WWOX: variants seen among roughly 807,000 people sequenced by gnomAD.
WWOX encodes the protein WW domain-containing oxidoreductase.
A neutral mutation model predicts 46.2 loss-of-function variants in WWOX; 69 were observed. That is an observed-to-expected ratio of 1.49 (90% CI 1.23 to 1.82). WWOX has a LOEUF of 1.82. WWOX is among the 40% of genes most tolerant of loss of function. WWOX has a pLI of 0.00. For missense variants in WWOX, 919 were observed against 542.6 expected, an observed-to-expected ratio of 1.69 and a Z score of -6.89; for synonymous variants, 359 against 202.6, an observed-to-expected ratio of 1.77 and a Z score of -6.56.
chr16:78,950,235 A>G (rs567182918), intron 8 of WWOX, among the ~76,000 whole-genome samples: 8 of 152,210 alleles, frequency 5.3e-5, no homozygotes, highest in African/African-American at 7.2e-5. Context: ...TTTCAGTTGA[A>G]TTACGGTCTT....
chr16:78,885,510 G>C (rs2044436560), intron 8 of WWOX, among the ~76,000 whole-genome samples: 1 of 152,138 alleles, frequency 6.6e-6, no homozygotes, highest in African/African-American at 2.4e-5. Context: ...GTTCTTCACA[G>C]TTTTCCCAGT....
intron 8 of WWOX, among the ~76,000 whole-genome samples, chr16:78,941,459 G>T (rs113550674): frequency 6.7e-6 from 1 of 148,998 alleles, no homozygotes; most frequent in African/African-American, 2.5e-5. Context: ...TCCGAACAAA[G>T]TCCTTTTTTT....
chr16:78,332,694 T>C (rs1326343413), intron 5 of WWOX, among the ~76,000 whole-genome samples: 2 of 152,150 alleles, frequency 1.3e-5, no homozygotes, highest in Non-Finnish European at 2.9e-5. Flanking sequence ...CCCAAATTAG[T>C]GCCTTTACTG....
At chr16:78,923,135 C>G (rs914815238) in intron 8 of WWOX, among the ~76,000 whole-genome samples, 1 of 151,990 alleles carries the variant, frequency 6.6e-6, no homozygotes, top group Non-Finnish European at 1.5e-5. Flanking sequence ...GGATGTGCCA[C>G]CATGCCAGGC....
chr16:79,209,009 G>A (rs1251583152), intron 8 of WWOX, among the ~76,000 whole-genome samples: 2 of 152,184 alleles, frequency 1.3e-5, no homozygotes, highest in Admixed American at 6.5e-5. Flanking sequence ...GAGTAGAGAA[G>A]GTCGTCTTTG....
rs146003380 is a variant in WWOX, at chr16:78,522,322, G to A, written c.1056+89570G>A. Among the ~76,000 whole-genome samples the A allele has an allele frequency of 5.3e-5, 8 of 151,856 alleles. No homozygotes were observed. The East Asian group carries it at 9.6e-4, about 18-fold the overall frequency. ...CCATTTTGCTTAATTGAAGGCTTGC[G>A]GAACATTAAAGCACAACAAAAACCT... On this transcript the variant is annotated intron_variant, in intron 8 of 8. Coordinates refer to ENST00000566780, the MANE Select transcript of WWOX (RefSeq NM_016373.4).
chr16:78,917,064 C>G (rs950003454), intron 8 of WWOX, among the ~76,000 whole-genome samples: 8 of 152,186 alleles, frequency 5.3e-5, no homozygotes, highest in African/African-American at 1.7e-4. Context: ...TAAACCACAT[C>G]TTTCCAGATT....
intron 8 of WWOX, among the ~76,000 whole-genome samples, chr16:78,640,956 A>G: frequency 6.6e-6 from 1 of 151,728 alleles, no homozygotes; most frequent in African/African-American, 2.4e-5. Flanking sequence ...AAAAAAAAGA[A>G]GAAGAAAAGA....
At chr16:78,945,422 A>G (rs1287540463) in intron 8 of WWOX, among the ~76,000 whole-genome samples, 3 of 152,210 alleles carry the variant, frequency 2.0e-5, no homozygotes, top group Non-Finnish European at 4.4e-5. Flanking sequence ...AAGTCTCTGT[A>G]TCAAAAAGAT....
chr16:78,639,169 T>G (rs2046644241), intron 8 of WWOX, among the ~76,000 whole-genome samples: 1 of 152,136 alleles, frequency 6.6e-6, no homozygotes, highest in South Asian at 2.1e-4. Context: ...GTCTGTTGAG[T>G]TTGGAAGACT....
chr16:78,566,853 C>A (rs1410690943), intron 8 of WWOX, among the ~76,000 whole-genome samples: 1 of 152,150 alleles, frequency 6.6e-6, no homozygotes, highest in East Asian at 1.9e-4. Context: ...GCATGGCTGT[C>A]ATCAGTTCAG....
intron 5 of WWOX, among the ~76,000 whole-genome samples, chr16:78,341,384 T>G (rs4075210): frequency 0.23 from 27,285 of 120,088 alleles, 8,775 homozygotes; most frequent in African/African-American, 0.38. Context: ...TGTTTTAGTG[T>G]GATTTGGGAT....
At chr16:78,856,893 C>G (rs1436193828) in intron 8 of WWOX, among the ~76,000 whole-genome samples, 1 of 152,130 alleles carries the variant, frequency 6.6e-6, no homozygotes, top group Non-Finnish European at 1.5e-5. Flanking sequence ...CTATACAATC[C>G]TAGATGGTAT....
chr16:78,391,497 A>G (rs79327837), intron 6 of WWOX, among the ~76,000 whole-genome samples: 1 of 152,180 alleles, frequency 6.6e-6, no homozygotes, highest in African/African-American at 2.4e-5. Flanking sequence ...TACTTTGCAC[A>G]CTTCAGTCAT....
At chr16:79,187,580 G>A (rs1255580069) in intron 8 of WWOX, among the ~76,000 whole-genome samples, 2 of 152,112 alleles carry the variant, frequency 1.3e-5, no homozygotes, top group Non-Finnish European at 2.9e-5. Context: ...ACGCCCAGCT[G>A]ATTTTTAGTG....
intron 8 of WWOX, among the ~76,000 whole-genome samples, chr16:78,441,338 C>A (rs558358277): frequency 1.3e-5 from 2 of 152,300 alleles, no homozygotes; most frequent in Admixed American, 1.3e-4. Flanking sequence ...TAAATGAATA[C>A]ATGAAAGATG....
intron 5 of WWOX, among the ~76,000 whole-genome samples, chr16:78,263,297 A>G (rs1300461567): frequency 6.6e-6 from 1 of 152,182 alleles, no homozygotes; most frequent in East Asian, 1.9e-4. Flanking sequence ...TCAAAGTTCC[A>G]ATCAGTGCCC....
chr16:79,117,558 C>G (rs1469497930), intron 8 of WWOX, among the ~76,000 whole-genome samples: 5 of 152,208 alleles, frequency 3.3e-5, no homozygotes, highest in Non-Finnish European at 5.9e-5. Flanking sequence ...TGCTTCGCAG[C>G]TTTGAAGCCA....
intron 8 of WWOX, among the ~76,000 whole-genome samples, chr16:79,043,901 G>T (rs2048018731): frequency 3.9e-5 from 6 of 152,200 alleles, no homozygotes; most frequent in Admixed American, 3.9e-4. Context: ...TGTAGCAAAA[G>T]TCCAGGGCTG....
Sources: allele counts gnomAD v4.1 joint callset (sites outside exome capture counted in the v4.1 genomes callset), GRCh38; gene constraint gnomAD v4.1.1; transcripts MANE v1.5; gene names NCBI Gene and HGNC (gene_info 2026-07-23, HGNC 2026-07-21).